CAST: variants seen among roughly 807,000 people sequenced by gnomAD.
The protein encoded by CAST is MIR583 host.
CAST carries 76 observed loss-of-function variants against 119.6 expected under a neutral mutation model. The ratio of observed to expected loss-of-function variants is 0.64; its 90% CI spans 0.53 to 0.77. The LOEUF (loss-of-function observed/expected upper bound fraction) is 0.77. CAST is among the 30% of genes least tolerant of loss of function. The pLI is 0.00. For missense variants in CAST, 953 were observed against 946.5 expected, an observed-to-expected ratio of 1.01 and a Z score of -0.09; for synonymous variants, 319 against 331.6, an observed-to-expected ratio of 0.96 and a Z score of 0.41.
chr5:96,653,736 G>A (rs1234435177), intron 1 of CAST, among the ~76,000 whole-genome samples: 1 of 151,620 alleles, frequency 6.6e-6, no homozygotes, highest in Non-Finnish European at 1.5e-5. Context: ...ATTTCATTTT[G>A]GCTTCTTTAG....
chr5:96,687,230 G>A (rs1478516512), intron 2 of CAST, among the ~76,000 whole-genome samples: 1 of 152,186 alleles, frequency 6.6e-6, no homozygotes, highest in Non-Finnish European at 1.5e-5. Context: ...AAGAATGGAG[G>A]ATTCTGACTA....
At chr5:96,120,516 G>T in the CAST span, among the ~76,000 whole-genome samples, 1 of 151,410 alleles carries the variant, frequency 6.6e-6, no homozygotes, top group African/African-American at 2.4e-5. Context: ...ATGGTTCTCT[G>T]TTGCATATAA....
chr5:96,420,773 G>T, the CAST span, among the ~76,000 whole-genome samples: 1 of 133,288 alleles, frequency 7.5e-6, no homozygotes, highest in South Asian at 2.5e-4. Context: ...GGAAGAGAGG[G>T]AGAGAGAGAG....
At chr5:96,405,867 G>A in the CAST span, among the ~76,000 whole-genome samples, 14 of 152,128 alleles carry the variant, frequency 9.2e-5, no homozygotes, top group African/African-American at 2.7e-4. Context: ...GGCTAGGCAC[G>A]GCTAGTTATA....
the CAST span, among the ~76,000 whole-genome samples, chr5:96,501,095 C>A: frequency 6.6e-6 from 1 of 152,126 alleles, no homozygotes; most frequent in African/African-American, 2.4e-5. Flanking sequence ...AGGCGTCAAC[C>A]TGAAAACCCT....
the CAST span, among the ~76,000 whole-genome samples, chr5:95,969,865 T>C: frequency 1.3e-5 from 2 of 152,148 alleles, no homozygotes; most frequent in African/African-American, 4.8e-5. Flanking sequence ...TGAGTAATAG[T>C]AGAGATTGTG....
chr5:96,374,055 CAT>C, the CAST span, among the ~76,000 whole-genome samples: 46 of 152,278 alleles, frequency 3.0e-4, no homozygotes, highest in African/African-American at 1.0e-3. Flanking sequence ...TGGTATAAAA[CAT>C]GTGTAAAAAC....
the CAST span, among the ~76,000 whole-genome samples, chr5:96,520,262 G>T: frequency 6.6e-6 from 1 of 152,148 alleles, no homozygotes; most frequent in Non-Finnish European, 1.5e-5. Context: ...ACACTGATTT[G>T]GATTTATTTT....
chr5:96,503,659 G>A, the CAST span, among the ~76,000 whole-genome samples: 2 of 152,070 alleles, frequency 1.3e-5, no homozygotes, highest in African/African-American at 4.8e-5. Flanking sequence ...GAAACCATCC[G>A]CTTAATGTCG....
chr5:96,139,033 C>CTA, the CAST span, among the ~76,000 whole-genome samples: 1 of 152,002 alleles, frequency 6.6e-6, no homozygotes, highest in Non-Finnish European at 1.5e-5. Context: ...AGATTTTCAC[C>CTA]TATATGTATG....
chr5:96,527,351 C>A (rs769243327), upstream of CAST, among the ~76,000 whole-genome samples: 5 of 152,172 alleles, frequency 3.3e-5, no homozygotes, highest in Admixed American at 6.5e-5. Flanking sequence ...AAAAAGAAGG[C>A]AGCTTTTGCA....
intron 1 of CAST, among the ~76,000 whole-genome samples, chr5:96,618,172 C>G (rs1374025201): frequency 1.3e-5 from 2 of 152,214 alleles, no homozygotes; most frequent in African/African-American, 2.4e-5. Context: ...GATTTTCAGG[C>G]AGAAGGTAAA....
At chr5:96,316,357 C>G in the CAST span, among the ~76,000 whole-genome samples, 1 of 152,300 alleles carries the variant, frequency 6.6e-6, no homozygotes, top group East Asian at 1.9e-4. Context: ...AGAGTCACAT[C>G]TTCTCTGTCC....
At chr5:96,051,599 G>T in the CAST span, among the ~76,000 whole-genome samples, 1 of 152,090 alleles carries the variant, frequency 6.6e-6, no homozygotes, top group Non-Finnish European at 1.5e-5. Flanking sequence ...CTTTGAACTG[G>T]CCTGGATTGG....
chr5:96,619,775 A>G (rs963692208), intron 1 of CAST, among the ~76,000 whole-genome samples: 16 of 150,874 alleles, frequency 1.1e-4, no homozygotes, highest in Non-Finnish European at 2.4e-4. Flanking sequence ...CCGTGGCTTC[A>G]TTCCTGAAGT....
the CAST span, among the ~76,000 whole-genome samples, chr5:96,386,747 T>C: frequency 6.6e-6 from 1 of 152,184 alleles, no homozygotes; most frequent in Non-Finnish European, 1.5e-5. Flanking sequence ...AGCAGATCAC[T>C]TGAGGCCAGG....
At chr5:96,458,655 C>T in the CAST span, among the ~76,000 whole-genome samples, 2 of 152,144 alleles carry the variant, frequency 1.3e-5, no homozygotes, top group Non-Finnish European at 2.9e-5. Flanking sequence ...ACTTTGAGTC[C>T]AGGGTCCAGT....
At chr5:96,628,126 T>A (rs1233701541) in intron 1 of CAST, among the ~76,000 whole-genome samples, 1 of 152,248 alleles carries the variant, frequency 6.6e-6, no homozygotes, top group African/African-American at 2.4e-5. Flanking sequence ...GAAGAAAAAC[T>A]TTACTTAATC....
the CAST span, among the ~76,000 whole-genome samples, chr5:96,243,659 ATT>A: frequency 6.6e-6 from 1 of 152,152 alleles, no homozygotes; most frequent in African/African-American, 2.4e-5. Context: ...AATAAAAAAT[ATT>A]TTGCTCGCCA....
Sources: gnomAD v4.1 joint callset for allele counts (sites outside exome capture counted in the v4.1 genomes callset) on GRCh38, gnomAD v4.1.1 for gene constraint, MANE v1.5 for transcripts, NCBI Gene and HGNC (gene_info 2026-07-23, HGNC 2026-07-21) for gene names.